Variants in ANO3 observed in about 807,000 individuals in gnomAD.
ANO3 encodes the protein anoctamin 3, also known as anoctamin-3.
In ANO3, 99 loss-of-function variants were observed where a neutral mutation model predicts 144.8. The ratio of observed to expected loss-of-function variants is 0.68; its 90% CI spans 0.58 to 0.81. The LOEUF is 0.81. ANO3 is among the 30% of genes least tolerant of loss of function. ANO3 has a pLI of 0.00. For missense variants in ANO3, 905 were observed against 1,202.2 expected (o/e 0.75, Z 3.66); for synonymous variants, 414 against 392.6 (o/e 1.05, Z -0.64).
intron 1 of ANO3, among the ~76,000 whole-genome samples, chr11:26,245,729 A>G (rs895663409): frequency 7.2e-5 from 11 of 152,208 alleles, no homozygotes; most frequent in Admixed American, 6.5e-4. Flanking sequence ...GGGGAGTATC[A>G]TAGAGTGATT....
intron 1 of ANO3, among the ~76,000 whole-genome samples, chr11:26,344,555 C>T (rs1160732283): frequency 2.6e-5 from 4 of 151,820 alleles, no homozygotes; most frequent in East Asian, 3.9e-4. Flanking sequence ...TTAGTAGAGA[C>T]GGGGTTTCAT....
intron 1 of ANO3, among the ~76,000 whole-genome samples, chr11:26,433,667 T>C (rs977296334): frequency 6.6e-6 from 1 of 152,174 alleles, no homozygotes; most frequent in African/African-American, 2.4e-5. Flanking sequence ...AAAATGTGAT[T>C]TTTGTCTTTA....
intron 4 of ANO3, among the ~76,000 whole-genome samples, chr11:26,469,727 G>C (rs1859714818): frequency 6.6e-6 from 1 of 151,872 alleles, no homozygotes; most frequent in Non-Finnish European, 1.5e-5. Flanking sequence ...GTGGTGATCA[G>C]CTCACATACT....
chr11:26,424,154 C>T (rs960845444), intron 1 of ANO3, among the ~76,000 whole-genome samples: 3 of 145,904 alleles, frequency 2.1e-5, no homozygotes, highest in Non-Finnish European at 4.4e-5. Flanking sequence ...TCACTTACTA[C>T]ACTGCAAATA....
chr11:26,229,831 C>T (rs1463763666), intron 1 of ANO3, among the ~76,000 whole-genome samples: 4 of 152,054 alleles, frequency 2.6e-5, no homozygotes, highest in Non-Finnish European at 5.9e-5. Context: ...AATATATGTA[C>T]CTGGAATATT....
chr11:26,421,296 G>A (rs1857744919), intron 1 of ANO3, among the ~76,000 whole-genome samples: 1 of 151,952 alleles, frequency 6.6e-6, no homozygotes. Context: ...CTTTTCAAGA[G>A]GACAGAGCTA....
chr11:26,370,353 G>A (rs1590300986), intron 1 of ANO3, among the ~76,000 whole-genome samples: 2 of 152,168 alleles, frequency 1.3e-5, no homozygotes, highest in Admixed American at 1.3e-4. Context: ...GCTTCCTGAG[G>A]CCTCCCCAGC....
At chr11:26,369,813 GT>G (rs1379384616) in intron 1 of ANO3, among the ~76,000 whole-genome samples, 1 of 152,002 alleles carries the variant, frequency 6.6e-6, no homozygotes, top group East Asian at 1.9e-4. Flanking sequence ...AATCTTCCCA[GT>G]TTGGTGTAAC....
At chr11:26,255,952 T>C (rs1026947948) in intron 1 of ANO3, among the ~76,000 whole-genome samples, 14 of 152,196 alleles carry the variant, frequency 9.2e-5, no homozygotes, top group African/African-American at 3.1e-4. Flanking sequence ...CTCAGCCATC[T>C]GCCAGTAGGC....
chr11:26,249,765 T>TG (rs1056775545), intron 1 of ANO3, among the ~76,000 whole-genome samples: 7 of 151,268 alleles, frequency 4.6e-5, no homozygotes, highest in African/African-American at 1.7e-4. Context: ...TAAACTCTGC[T>TG]GAAAAAAACA....
intron 1 of ANO3, among the ~76,000 whole-genome samples, chr11:26,346,204 C>G (rs961473774): frequency 3.7e-4 from 56 of 152,162 alleles, no homozygotes; most frequent in Non-Finnish European, 1.5e-4. Flanking sequence ...TCCCATGGAC[C>G]TGCTAGTACA....
intron 1 of ANO3, among the ~76,000 whole-genome samples, chr11:26,204,952 T>C (rs1053762872): frequency 6.6e-6 from 1 of 152,148 alleles, no homozygotes; most frequent in East Asian, 1.9e-4. Context: ...AGAGGTTTAA[T>C]TGACTCACTG....
In ANO3 at chr11:26,431,158, C is replaced by A. The variant is rs187899248; in HGVS notation, c.47-10760C>A. On this transcript the variant is annotated intron_variant, in intron 1 of 26. Transcript: ENST00000256737. ...TTAATCATAATTTAAAGTTAAAAGA[C>A]CTTATGTGACTGATTGTTATTGTAC... 2.0e-4 allele frequency among the ~76,000 whole-genome samples: 30 copies of A among 152,254 alleles called. No individual in the cohort carries two copies. The East Asian group carries it at 5.6e-3, about 28-fold the overall frequency.
intron 1 of ANO3, among the ~76,000 whole-genome samples, chr11:26,338,698 C>A (rs1171161728): frequency 6.6e-6 from 1 of 152,118 alleles, no homozygotes; most frequent in South Asian, 2.1e-4. Context: ...CATGAACCCC[C>A]CCACTGGGAG....
chr11:26,381,863 T>A (rs140177525), intron 1 of ANO3, among the ~76,000 whole-genome samples: 1 of 152,198 alleles, frequency 6.6e-6, no homozygotes, highest in African/African-American at 2.4e-5. Flanking sequence ...AAAGAATTGG[T>A]ATTTTATTTT....
At chr11:26,571,336 G>A (rs1375429185) in intron 14 of ANO3, among the ~76,000 whole-genome samples, 1 of 152,060 alleles carries the variant, frequency 6.6e-6, no homozygotes, top group African/African-American at 2.4e-5. Context: ...AATAAAAAAA[G>A]AGGCTTATAT....
At chr11:26,383,315 A>G (rs1856637069) in intron 1 of ANO3, among the ~76,000 whole-genome samples, 1 of 152,122 alleles carries the variant, frequency 6.6e-6, no homozygotes, top group African/African-American at 2.4e-5. Context: ...ATCTACTAAT[A>G]TCCTGTAAAA....
chr11:26,647,920 C>T (rs1853401777), intron 24 of ANO3, 64 bp downstream of exon 24: 1 of 1,492,968 alleles, frequency 6.7e-7, no homozygotes, highest in Non-Finnish European at 9.1e-7. Context: ...TAGGATCTTA[C>T]TGGGAAGTTT....
chr11:26,342,796 T>C (rs1855398152), intron 1 of ANO3, among the ~76,000 whole-genome samples: 1 of 152,214 alleles, frequency 6.6e-6, no homozygotes, highest in Non-Finnish European at 1.5e-5. Flanking sequence ...ACTGGTTGGT[T>C]TCACCATTTC....
Sources: allele counts gnomAD v4.1 joint callset (sites outside exome capture counted in the v4.1 genomes callset), GRCh38; gene constraint gnomAD v4.1.1; transcripts MANE v1.5; gene names NCBI Gene and HGNC (gene_info 2026-07-23, HGNC 2026-07-21).